The following LRRTM3 variants were observed in gnomAD, a reference collection of about 807,000 sequenced individuals.
LRRTM3 encodes the protein leucine rich repeat transmembrane neuronal 3, also known as leucine-rich repeat transmembrane neuronal protein 3.
A neutral mutation model predicts 44.7 loss-of-function variants in LRRTM3; 24 were observed. The ratio of observed to expected loss-of-function variants is 0.54; its 90% CI spans 0.39 to 0.76. LRRTM3 has a LOEUF of 0.76. LRRTM3 is among the 30% of genes least tolerant of loss of function. The pLI, the probability that LRRTM3 is intolerant of heterozygous loss-of-function variation, is 0.00. For synonymous variants in LRRTM3, 277 were observed against 278.7 expected (o/e 0.99, Z 0.06); for missense variants, 587 against 702.2 (o/e 0.84, Z 1.85).
chr10:66,958,342 G>A (rs532810750), intron 2 of LRRTM3, among the ~76,000 whole-genome samples: 4 of 143,244 alleles, frequency 2.8e-5, no homozygotes, highest in Non-Finnish European at 4.5e-5. Flanking sequence ...AAATGCCTGT[G>A]CCTGAAGGTT....
intron 2 of LRRTM3, among the ~76,000 whole-genome samples, chr10:67,015,105 G>T (rs548309524): frequency 1.3e-3 from 199 of 152,132 alleles, no homozygotes; most frequent in African/African-American, 4.7e-3. Context: ...TCAACATTAG[G>T]TAGTAGCTAT....
At chr10:66,967,566 A>T (rs764640664) in intron 2 of LRRTM3, among the ~76,000 whole-genome samples, 7 of 152,058 alleles carry the variant, frequency 4.6e-5, no homozygotes, top group Non-Finnish European at 8.8e-5. Flanking sequence ...ACCTTTAAGC[A>T]GTATGCAAAT....
chr10:67,087,786 T>A (rs938288025), intron 2 of LRRTM3, among the ~76,000 whole-genome samples: 1 of 151,972 alleles, frequency 6.6e-6, no homozygotes, highest in Non-Finnish European at 1.5e-5. Flanking sequence ...CACCGGGGGA[T>A]GGAGGTTTGT....
At chr10:67,023,713 T>C (rs1376094436) in intron 2 of LRRTM3, among the ~76,000 whole-genome samples, 1 of 152,176 alleles carries the variant, frequency 6.6e-6, no homozygotes, top group Non-Finnish European at 1.5e-5. Context: ...ACTAATCTTC[T>C]TACAAAGACA....
chr10:66,953,455 A>G (rs1848639166), intron 2 of LRRTM3, among the ~76,000 whole-genome samples: 1 of 152,214 alleles, frequency 6.6e-6, no homozygotes, highest in Non-Finnish European at 1.5e-5. Context: ...GGTGATGATT[A>G]CATTACATTT....
chr10:66,990,703 T>C (rs1158020234), intron 2 of LRRTM3, among the ~76,000 whole-genome samples: 1 of 152,206 alleles, frequency 6.6e-6, no homozygotes, highest in Non-Finnish European at 1.5e-5. Context: ...TATAGCAAAG[T>C]TAACATTGAA....
At position 67,100,361 on chromosome 10, in the gene LRRTM3, G is replaced by GA. The variant is rs998197339; in HGVS notation, c.*2573dup. Among the ~76,000 whole-genome samples the GA allele has an allele frequency of 2.0e-5, 3 of 151,350 alleles. No individual in the cohort carries two copies. The highest frequency in any genetic ancestry group is 6.6e-5 in the Admixed American group (1 of 15,152). On this transcript the variant is annotated 3_prime_UTR_variant, in exon 3 of 3. Coordinates refer to ENST00000361320, the MANE Select transcript of LRRTM3 (RefSeq NM_178011.5). ...ATTCAACCAAAAGGGTCTTTAGCAA[G>GA]AAAAAAAATGCTGGATGATGATTAT...
chr10:67,041,335 G>A (rs1854382753), intron 2 of LRRTM3, among the ~76,000 whole-genome samples: 3 of 152,054 alleles, frequency 2.0e-5, no homozygotes, highest in African/African-American at 7.2e-5. Flanking sequence ...AGGGGCCTTC[G>A]TGATACCTGT....
intron 2 of LRRTM3, among the ~76,000 whole-genome samples, chr10:66,987,466 G>T (rs944588523): frequency 6.6e-6 from 1 of 152,140 alleles, no homozygotes; most frequent in Non-Finnish European, 1.5e-5. Flanking sequence ...TGGGGTCTTA[G>T]CAATCCGAGA....
At chr10:67,086,605 T>C (rs1461937213) in intron 2 of LRRTM3, among the ~76,000 whole-genome samples, 1 of 151,918 alleles carries the variant, frequency 6.6e-6, no homozygotes, top group Non-Finnish European at 1.5e-5. Context: ...GAAGACTACA[T>C]CAATATAGTA....
intron 2 of LRRTM3, among the ~76,000 whole-genome samples, chr10:66,958,308 C>CAAAAAAAAAAA (rs35076056): frequency 4.6e-5 from 4 of 86,946 alleles, no homozygotes; most frequent in African/African-American, 1.6e-4. Context: ...TGCTTTCTTG[C>CAAAAAAAAAAA]AAAAAAAAAA....
At chr10:67,045,720 C>G (rs530801669) in intron 2 of LRRTM3, among the ~76,000 whole-genome samples, 2 of 152,148 alleles carry the variant, frequency 1.3e-5, no homozygotes, top group Non-Finnish European at 2.9e-5. Context: ...GACCGACATC[C>G]GAGACCAGCC....
intron 2 of LRRTM3, among the ~76,000 whole-genome samples, chr10:66,982,051 G>T (rs1019671280): frequency 6.6e-5 from 10 of 152,260 alleles, no homozygotes; most frequent in African/African-American, 2.2e-4. Flanking sequence ...GAGGCAAGGG[G>T]CTCCATACAC....
At chr10:67,023,826 G>A (rs967348152) in intron 2 of LRRTM3, among the ~76,000 whole-genome samples, 8 of 152,158 alleles carry the variant, frequency 5.3e-5, no homozygotes, top group African/African-American at 1.9e-4. Flanking sequence ...TAGGATACAG[G>A]AGTTTTACAA....
At chr10:66,966,374 A>G (rs1046069659) in intron 2 of LRRTM3, among the ~76,000 whole-genome samples, 2 of 152,168 alleles carry the variant, frequency 1.3e-5, no homozygotes, top group Non-Finnish European at 1.5e-5. Context: ...TTGTATAATG[A>G]AATGAAAAAT....
intron 2 of LRRTM3, among the ~76,000 whole-genome samples, chr10:66,943,920 C>A (rs1389553405): frequency 6.6e-6 from 1 of 152,170 alleles, no homozygotes; most frequent in Non-Finnish European, 1.5e-5. Flanking sequence ...TGCTCATGAT[C>A]ATCTGATCCT....
intron 2 of LRRTM3, among the ~76,000 whole-genome samples, chr10:67,025,926 C>T: frequency 6.8e-6 from 1 of 147,996 alleles, no homozygotes. Flanking sequence ...TACTATGCAG[C>T]CATAAAAAAT....
At chr10:66,951,214 C>G (rs920812342) in intron 2 of LRRTM3, among the ~76,000 whole-genome samples, 2 of 151,566 alleles carry the variant, frequency 1.3e-5, no homozygotes, top group Non-Finnish European at 2.9e-5. Context: ...CTCCTGGGTT[C>G]AAGCGATTCT....
At chr10:66,958,521 G>A (rs1324975940) in intron 2 of LRRTM3, among the ~76,000 whole-genome samples, 1 of 151,900 alleles carries the variant, frequency 6.6e-6, no homozygotes, top group African/African-American at 2.4e-5. Context: ...TGTCACAAAT[G>A]TGCAGCTGGG....
Sources: allele counts gnomAD v4.1 joint callset (sites outside exome capture counted in the v4.1 genomes callset), GRCh38; gene constraint gnomAD v4.1.1; transcripts MANE v1.5; gene names NCBI Gene and HGNC (gene_info 2026-07-23, HGNC 2026-07-21).